The following MAML1 variants were observed in gnomAD, a reference collection of about 807,000 sequenced individuals.
MAML1 encodes the protein mastermind like transcriptional coactivator 1, also known as mastermind-like protein 1.
In MAML1, 14 loss-of-function variants were observed where a neutral mutation model predicts 77.1. The ratio of observed to expected loss-of-function variants is 0.18; its 90% CI spans 0.12 to 0.28. The LOEUF is 0.28. Among genes scored for constraint, MAML1 ranks in the 10% least tolerant of loss-of-function variants. The probability of loss-of-function intolerance (pLI) is 1.00; values close to 1 mark genes in which losing one functional copy is unlikely to be tolerated. For missense variants in MAML1, 1,217 were observed against 1,327.8 expected (o/e 0.92, Z 1.30); for synonymous variants, 516 against 551.9 (o/e 0.93, Z 0.91).
At chr5:179,755,732 A>G (rs200028147) in intron 1 of MAML1, among the ~76,000 whole-genome samples, 2 of 147,386 alleles carry the variant, frequency 1.4e-5, no homozygotes, top group East Asian at 2.0e-4. Flanking sequence ...ATCAGCTACT[A>G]TTATTGTTAG....
intron 1 of MAML1, among the ~76,000 whole-genome samples, chr5:179,755,782 T>G (rs200769535): frequency 6.6e-6 from 1 of 151,730 alleles, no homozygotes; most frequent in Non-Finnish European, 1.5e-5. Flanking sequence ...TTTTTTTTTT[T>G]AAGACAGAGT....
chr5:179,765,212 T>C, intron 1 of MAML1, 114 bp from the exon 2 acceptor site: 1 of 848,818 alleles, frequency 1.2e-6, no homozygotes. Context: ...GAGTGTACAC[T>C]ATGCAAGCAG....
At chr5:179,764,752 A>G (rs979303276) in intron 1 of MAML1, among the ~76,000 whole-genome samples, 3 of 152,028 alleles carry the variant, frequency 2.0e-5, no homozygotes, top group Non-Finnish European at 4.4e-5. Flanking sequence ...ACTTGAGGCC[A>G]GGAGTTTGTG....
At chr5:179,761,532 C>T (rs990042206) in intron 1 of MAML1, among the ~76,000 whole-genome samples, 2 of 152,196 alleles carry the variant, frequency 1.3e-5, no homozygotes, top group Middle Eastern at 6.8e-3. Context: ...CCCATCTCTA[C>T]TAAAAATACA....
chr5:179,747,497 A>T (rs1779402949), intron 1 of MAML1, among the ~76,000 whole-genome samples: 1 of 152,216 alleles, frequency 6.6e-6, no homozygotes, highest in Non-Finnish European at 1.5e-5. Context: ...CATACAACAG[A>T]ATATTATTCA....
Position 179,774,581 on chromosome 5 carries a change from C to T in MAML1, c.2755C>T (p.Pro919Ser). The T allele has an allele frequency of 6.2e-7, 1 of 1,612,600 alleles. No homozygotes were observed. Among genetic ancestry groups the T allele is most frequent in the Non-Finnish European group, 8.5e-7 (1 of 1,179,846 alleles). Residue 919 changes from proline (P) to serine (S), a missense_variant, in exon 5 of 5, where the codon CCA becomes TCA. Transcript: ENST00000292599. ...GAGGACCAGCGCCCCTGCCCCAGCA[C>T]CACCCCCAACAGCCCCTCAGCAGGG... The part of the protein sequence containing the change: ...QQRTSAPAPA[P>S]PPTAPQQGLP...
At chr5:179,745,058 C>A (rs574221765) in intron 1 of MAML1, among the ~76,000 whole-genome samples, 1 of 152,064 alleles carries the variant, frequency 6.6e-6, no homozygotes, top group African/African-American at 2.4e-5. Context: ...CCTACCACCA[C>A]GCCCAGCTAA....
In MAML1 at chr5:179,753,657, T is replaced by TA. The variant is rs1562560488; in HGVS notation, c.316-11669_316-11668insA. Among the ~76,000 whole-genome samples the TA allele has an allele frequency of 9.5e-5, 7 of 73,474 alleles. 1 individual carries two copies. In the East Asian group the frequency reaches 1.7e-3, roughly 18 times the overall value. 48.2% of individuals were successfully genotyped at this position (73,474 alleles called of 152,430 possible). On this transcript the variant is annotated intron_variant, in intron 1 of 4. Coordinates refer to ENST00000292599, the MANE Select transcript of MAML1 (RefSeq NM_014757.5). ...GGGTTGTTTTATTATTATTATTATT[T>TA]TTTTTTTTTTTTTTTTTTTTGAGGC...
rs56010662 is a variant in MAML1, at chr5:179,739,205, G to A, written c.315+5778G>A. 1.4e-3 allele frequency among the ~76,000 whole-genome samples: 220 copies of A among 152,208 alleles called. 2 individuals carry two copies. Among genetic ancestry groups the A allele is most frequent in the Admixed American group, 3.0e-3 (46 of 15,278 alleles). ...TGGAAAAAAAAGTAAAAAAATAACA[G>A]TACAACAATTAACACAAATTATAAT... On this transcript the variant is annotated intron_variant, in intron 1 of 4. Coordinates refer to ENST00000292599, the MANE Select transcript of MAML1 (RefSeq NM_014757.5).
intron 1 of MAML1, among the ~76,000 whole-genome samples, chr5:179,758,057 C>T (rs780921167): frequency 3.9e-5 from 6 of 152,162 alleles, no homozygotes; most frequent in African/African-American, 1.4e-4. Flanking sequence ...GTGCACAGGA[C>T]CTCTCTGTAC....
intron 1 of MAML1, among the ~76,000 whole-genome samples, chr5:179,761,511 C>T (rs1779725888): frequency 6.6e-6 from 1 of 152,168 alleles, no homozygotes. Context: ...AGCTGGCCAA[C>T]ATGGCGAAAC....
In MAML1 at chr5:179,742,035, C is replaced by G. The variant is rs1277948229; in HGVS notation, c.315+8608C>G. Among the ~76,000 whole-genome samples the G allele has an allele frequency of 2.0e-5, 3 of 151,790 alleles. No individual in the cohort carries two copies. In the South Asian group the frequency reaches 6.3e-4, roughly 32 times the overall value. On this transcript the variant is annotated intron_variant, in intron 1 of 4. Transcript: ENST00000292599. ...ACCTCAGCCTCCCAAGTAGCTGAGG[C>G]TAATTTTTTGTATTTTTAGTAGAGA...
rs1174575601 is a variant in MAML1 at position 179,771,316 on chromosome 5, GC to G, written c.2068+76del. 1.5e-6 allele frequency: 2 copies of G among 1,309,666 alleles called. No individual in the cohort carries two copies. The highest frequency in any genetic ancestry group is 2.2e-6 in the Non-Finnish European group (2 of 905,564). The allele number at this position is 1,309,666 out of a possible 1,614,324, so 81.1% of individuals were successfully genotyped here. A position where few individuals can be genotyped will look rare whatever the true frequency, so the allele number is the denominator to read the frequency against. On this transcript the variant is annotated intron_variant, in intron 4 of 4. Transcript: ENST00000292599. The surrounding 1 kb of genome is among the most constrained non-coding windows in gnomAD (Gnocchi z 4.7). ...GGTGCTGGTTGAATCCCTGCTGTCT[GC>G]CCAGCTCTATGCCTTGACTTCATCA...
At position 179,745,965 on chromosome 5, in the gene MAML1, C is replaced by T. The variant is rs541641966; in HGVS notation, c.315+12538C>T. ...AGGAGAATCACTTGAACTGGGGAGG[C>T]GGAGGTTTCGATGAGCTGAGATAGC... On this transcript the variant is annotated intron_variant, in intron 1 of 4. Transcript: ENST00000292599. Among the ~76,000 whole-genome samples, 151 of 147,578 alleles carry T rather than the reference C, an allele frequency of 1.0e-3. 2 individuals carry two copies. The highest frequency in any genetic ancestry group is 1.9e-3 in the Admixed American group (28 of 14,668).
chr5:179,767,095 C>CTTTTTTTTTTTTTTTTTTTTT, intron 2 of MAML1, among the ~76,000 whole-genome samples: 1 of 100,964 alleles, frequency 9.9e-6, no homozygotes, highest in Non-Finnish European at 2.0e-5. Context: ...AGAGGCTTGG[C>CTTTTTTTTTTTTTTTTTTTTT]TTTTTTTTTT....
intron 1 of MAML1, among the ~76,000 whole-genome samples, chr5:179,747,538 C>T (rs964584421): frequency 1.2e-4 from 19 of 152,144 alleles, no homozygotes; most frequent in Admixed American, 7.2e-4. Context: ...AGGCTGGGCA[C>T]GGTGGCTCAT....
At position 179,766,722 on chromosome 5, in the gene MAML1, C is replaced by T; in HGVS notation, c.1712C>T (p.Ser571Leu). 1.3e-6 allele frequency: 2 copies of T among 1,555,086 alleles called. No homozygotes were observed. Among genetic ancestry groups the T allele is most frequent in the Non-Finnish European group, 1.7e-6 (2 of 1,147,852 alleles). ...AAGCCAGGAAATATGCCTTTCCGATCACTGGTTCCACCTGGCCAGGTAAGT... is the reference window on the plus strand; with the variant it reads ...AAGCCAGGAAATATGCCTTTCCGATTACTGGTTCCACCTGGCCAGGTAAGT... The part of the protein sequence containing the change: ...KPKPGNMPFR[S>L]LVPPGQEQNP... Residue 571 changes from serine to leucine, a missense_variant, in exon 2 of 5, where the codon TCA becomes TTA. This residue lies in a region of MAML1 where 884 missense variants were observed against 949.3 expected (regional missense o/e 0.93). Transcript: ENST00000292599. This position sits in a 1 kb window ranked among gnomAD's most constrained non-coding sequence, Gnocchi z 4.0.
intron 1 of MAML1, among the ~76,000 whole-genome samples, chr5:179,760,443 A>G (rs1161794266): frequency 6.6e-6 from 1 of 152,202 alleles, no homozygotes; most frequent in Admixed American, 6.5e-5. Flanking sequence ...GGCCCCAGGC[A>G]GCACTGAGCA....
chr5:179,752,498 A>G (rs113565830), intron 1 of MAML1, among the ~76,000 whole-genome samples: 1 of 33,672 alleles, frequency 3.0e-5, no homozygotes, highest in Non-Finnish European at 9.7e-5. Context: ...ATGTGCTACT[A>G]GCAAATTTTG....
Sources: gnomAD v4.1 joint callset for allele counts (sites outside exome capture counted in the v4.1 genomes callset) on GRCh38, gnomAD v4.1.1 for gene constraint, gnomAD v4.1.1 regional missense constraint, Gnocchi (gnomAD v3.1) non-coding constraint, MANE v1.5 for transcripts, NCBI Gene and HGNC (gene_info 2026-07-23, HGNC 2026-07-21) for gene names.